SNTG2: variants seen among roughly 807,000 people sequenced by gnomAD.
The protein encoded by SNTG2 is syntrophin gamma 2.
In SNTG2, 74 loss-of-function variants were observed where a neutral mutation model predicts 70.9. That is an observed-to-expected ratio of 1.04 (90% CI 0.86 to 1.27). The LOEUF is 1.27. Ranked by LOEUF, SNTG2 falls within the 50% of genes most tolerant of loss-of-function variation. The pLI, the probability that SNTG2 is intolerant of heterozygous loss-of-function variation, is 0.00. For missense variants in SNTG2, 717 were observed against 690.7 expected (o/e 1.04, Z -0.43); for synonymous variants, 278 against 273.8 (o/e 1.02, Z -0.15).
In SNTG2 at chr2:1,098,314, A is replaced by G. The variant is rs373668492; in HGVS notation, c.268-39A>G. On this transcript the variant is annotated intron_variant, in intron 3 of 16. Transcript: ENST00000308624. ...TTTGAAGAACTTTCCAGTGTGAATC[A>G]TGATAACCACGTTTCTTTCTGATGG... is the stretch of plus-strand genomic sequence containing the variant. 237 of 1,613,686 alleles carry G rather than the reference A, an allele frequency of 1.5e-4. 1 individual carries two copies. Among genetic ancestry groups the G allele is most frequent in the Non-Finnish European group, 1.9e-4 (223 of 1,179,714 alleles).
At chr2:1,278,910 T>TC (rs1040118513) in intron 14 of SNTG2, among the ~76,000 whole-genome samples, 24 of 73,054 alleles carry the variant, frequency 3.3e-4, no homozygotes, top group Admixed American at 3.1e-3. Context: ...CCCTGCTGCA[T>TC]CCCCCCGGGA....
intron 4 of SNTG2, among the ~76,000 whole-genome samples, chr2:1,113,307 G>T (rs1666648787): frequency 1.3e-5 from 2 of 152,034 alleles, no homozygotes; most frequent in African/African-American, 2.4e-5. Context: ...TACTAAGTGA[G>T]GTTTAACCCT....
rs558051455 is a variant in SNTG2 at position 1,244,695 on chromosome 2, CAAA to C, written c.889-2613_889-2611del. On this transcript the variant is annotated intron_variant, in intron 11 of 16. Transcript: ENST00000308624. ...TGGGTGACAGAGCGAGACTCCATCT[CAAA>C]AAAAAAAAAAAAAAAAAACAGTTTG... 4.6e-3 allele frequency among the ~76,000 whole-genome samples: 411 copies of C among 88,508 alleles called. 4 individuals are homozygous for C. The highest frequency in any genetic ancestry group is 0.02 in the East Asian group (65 of 3,258). 58.1% of individuals were successfully genotyped at this position (88,508 alleles called of 152,430 possible).
intron 16 of SNTG2, among the ~76,000 whole-genome samples, chr2:1,351,987 T>G (rs1013136189): frequency 2.6e-5 from 4 of 152,154 alleles, no homozygotes; most frequent in Admixed American, 2.0e-4. Flanking sequence ...CCCATGGACA[T>G]GGTTCGGTGT....
rs542511492 is a variant in SNTG2, at chr2:1,207,477, G to A, written c.592-1626G>A. On this transcript the variant is annotated intron_variant, in intron 8 of 16. Coordinates refer to ENST00000308624, the MANE Select transcript of SNTG2 (RefSeq NM_018968.4). ...GGCGATGCCGCCTCTTCTGTATGAC[G>A]CTCCAACCTCCCTCAGTGTCCATTC... 5.3e-5 allele frequency among the ~76,000 whole-genome samples: 8 copies of A among 152,236 alleles called. No individual in the cohort carries two copies. In the South Asian group the frequency reaches 1.2e-3, roughly 24 times the overall value.
At chr2:1,101,288 G>A (rs539281719) in intron 4 of SNTG2, among the ~76,000 whole-genome samples, 15 of 152,130 alleles carry the variant, frequency 9.9e-5, no homozygotes, top group Non-Finnish European at 1.3e-4. Flanking sequence ...CCAGGCCCAC[G>A]ACCTCAGCAG....
intron 6 of SNTG2, among the ~76,000 whole-genome samples, chr2:1,152,356 T>C (rs935345260): frequency 6.6e-6 from 1 of 152,222 alleles, no homozygotes; most frequent in Non-Finnish European, 1.5e-5. Flanking sequence ...TGTGTATACA[T>C]GTTTGTGCAC....
At chr2:1,029,047 G>A (rs1337521477) in intron 1 of SNTG2, among the ~76,000 whole-genome samples, 1 of 152,148 alleles carries the variant, frequency 6.6e-6, no homozygotes, top group Non-Finnish European at 1.5e-5. Context: ...ATCGGGAGGG[G>A]CTCCGGCGGC....
intron 1 of SNTG2, among the ~76,000 whole-genome samples, chr2:1,040,711 T>C (rs898444600): frequency 1.3e-5 from 2 of 152,208 alleles, no homozygotes; most frequent in African/African-American, 4.8e-5. Flanking sequence ...CCTGATGGTA[T>C]GAAGCATTTC....
intron 14 of SNTG2, among the ~76,000 whole-genome samples, chr2:1,287,950 G>T (rs1572925441): frequency 1.7e-5 from 1 of 58,614 alleles, no homozygotes; most frequent in East Asian, 6.1e-4. Flanking sequence ...GGACAGCCTG[G>T]ACCCGGGGTG....
At chr2:1,214,954 A>C (rs1288109349) in intron 9 of SNTG2, among the ~76,000 whole-genome samples, 1 of 152,168 alleles carries the variant, frequency 6.6e-6, no homozygotes, top group African/African-American at 2.4e-5. Flanking sequence ...AGGATAATGA[A>C]TTTTGTCAAA....
intron 16 of SNTG2, among the ~76,000 whole-genome samples, chr2:1,360,592 G>A (rs1176902355): frequency 1.3e-5 from 2 of 152,070 alleles, no homozygotes; most frequent in Non-Finnish European, 2.9e-5. Flanking sequence ...TTATATTTGT[G>A]TGACTAAAAG....
At chr2:1,222,466 T>A (rs587630246) in intron 9 of SNTG2, among the ~76,000 whole-genome samples, 3 of 142,596 alleles carry the variant, frequency 2.1e-5, no homozygotes, top group Admixed American at 7.0e-5. Context: ...AAGCTGGAGG[T>A]GCTGGATCGC....
intron 14 of SNTG2, among the ~76,000 whole-genome samples, chr2:1,308,261 C>G (rs1420668213): frequency 2.0e-5 from 3 of 152,142 alleles, no homozygotes; most frequent in Non-Finnish European, 4.4e-5. Flanking sequence ...AAACACTCCC[C>G]ACCTCACCGA....
At chr2:1,229,172 G>A (rs1222319526) in intron 9 of SNTG2, among the ~76,000 whole-genome samples, 2 of 152,192 alleles carry the variant, frequency 1.3e-5, no homozygotes, top group South Asian at 2.1e-4. Context: ...GGCTTGGGCA[G>A]CCTGCTTTTA....
At chr2:969,989 A>G (rs1343040378) in intron 1 of SNTG2, among the ~76,000 whole-genome samples, 2 of 152,098 alleles carry the variant, frequency 1.3e-5, no homozygotes, top group African/African-American at 4.8e-5. Flanking sequence ...TATGATGTTG[A>G]CTGTGGGTTT....
At chr2:1,165,720 G>A in intron 7 of SNTG2, 85 bp downstream of exon 7, 4 of 1,151,202 alleles carry the variant, frequency 3.5e-6, no homozygotes, top group East Asian at 2.4e-5. Flanking sequence ...CACATGGACT[G>A]GGATATTAAT....
intron 1 of SNTG2, among the ~76,000 whole-genome samples, chr2:1,002,015 A>G (rs919674810): frequency 6.6e-6 from 1 of 152,154 alleles, no homozygotes; most frequent in African/African-American, 2.4e-5. Context: ...CACTAATGTA[A>G]GGATACCCTA....
chr2:1,268,194 A>G (rs1292675428), intron 14 of SNTG2, among the ~76,000 whole-genome samples: 1 of 152,232 alleles, frequency 6.6e-6, no homozygotes, highest in Non-Finnish European at 1.5e-5. Flanking sequence ...TGCAGGAATG[A>G]AGAGTGACAG....
Sources: allele counts gnomAD v4.1 joint callset (sites outside exome capture counted in the v4.1 genomes callset), GRCh38; gene constraint gnomAD v4.1.1; transcripts MANE v1.5; gene names NCBI Gene and HGNC (gene_info 2026-07-23, HGNC 2026-07-21).